KMT2E: variants seen among roughly 807,000 people sequenced by gnomAD.
The protein encoded by KMT2E is histone reader KMT2E.
A neutral mutation model predicts 184.6 loss-of-function variants in KMT2E; 30 were observed. The ratio of observed to expected loss-of-function variants is 0.16; its 90% CI spans 0.12 to 0.22. The LOEUF (loss-of-function observed/expected upper bound fraction) is 0.22, where lower values mean the gene tolerates loss of function less well. Among genes scored for constraint, KMT2E ranks in the 10% least tolerant of loss-of-function variants. The probability of loss-of-function intolerance (pLI) is 1.00; values close to 1 mark genes in which losing one functional copy is unlikely to be tolerated. For synonymous variants in KMT2E, 815 were observed against 776.5 expected (o/e 1.05, Z -0.82); for missense variants, 2,023 against 2,237.4 (o/e 0.90, Z 1.93).
At chr7:105,042,515 A>G (rs1795927141) in intron 3 of KMT2E, among the ~76,000 whole-genome samples, 1 of 152,208 alleles carries the variant, frequency 6.6e-6, no homozygotes, top group Non-Finnish European at 1.5e-5. Context: ...TTCATTTTAT[A>G]AGAAATGCAG....
intron 15 of KMT2E, among the ~76,000 whole-genome samples, chr7:105,098,724 G>C (rs975598443): frequency 6.6e-5 from 10 of 151,852 alleles, no homozygotes; most frequent in African/African-American, 1.9e-4. Context: ...TGTGGAGATG[G>C]GAGTCTTGCT....
At position 105,076,939 on chromosome 7, in the gene KMT2E, C is replaced by G. The variant is rs187849387; in HGVS notation, c.769-24C>G. 1,948 of 1,327,612 alleles carry G rather than the reference C, an allele frequency of 1.5e-3. 27 individuals carry two copies. In the African/African-American group the frequency reaches 0.026, roughly 18 times the overall value. 82.2% of individuals were successfully genotyped at this position (1,327,612 alleles called of 1,614,324 possible). ...GTGTGTAAGTCCGTAAGTCCAGATACTAAAGCTCAGTTTATGATTTTAGGG... is the reference window on the plus strand; with the variant it reads ...GTGTGTAAGTCCGTAAGTCCAGATAGTAAAGCTCAGTTTATGATTTTAGGG... On this transcript the variant is annotated intron_variant, in intron 9 of 26. Coordinates refer to ENST00000311117, the MANE Select transcript of KMT2E (RefSeq NM_182931.3).
rs34102092 is a variant in KMT2E, at chr7:105,107,960, G to GTTT, written c.3468+48_3468+50dup. On this transcript the variant is annotated intron_variant, in intron 22 of 26. Coordinates refer to ENST00000311117, the MANE Select transcript of KMT2E (RefSeq NM_182931.3). ...TTAACAATTTATAGTCCTTTTAATA[G>GTTT]TTTTTTTTTTTTTTTCATAATACTA... The GTTT allele has an allele frequency of 7.6e-3, 8,819 of 1,167,622 alleles. 2 individuals carry two copies. Among genetic ancestry groups the GTTT allele is most frequent in the Admixed American group, 0.01 (334 of 32,678 alleles). The allele number at this position is 1,167,622 out of a possible 1,614,324, so 72.3% of individuals were successfully genotyped here.
intron 24 of KMT2E, 31 bp from the exon 25 acceptor site, chr7:105,110,446 T>C: frequency 6.2e-7 from 1 of 1,614,118 alleles, no homozygotes; most frequent in Non-Finnish European, 8.5e-7. Flanking sequence ...GCTCTAATGT[T>C]CTCTTTGGGT....
At chr7:105,059,993 T>TG (rs1474473806) in intron 3 of KMT2E, among the ~76,000 whole-genome samples, 1 of 106,906 alleles carries the variant, frequency 9.4e-6, no homozygotes, top group African/African-American at 4.8e-5. Flanking sequence ...TTTTTTTTTT[T>TG]TTTTTTTTTT....
At chr7:105,087,235 A>G (rs1271394275) in intron 13 of KMT2E, among the ~76,000 whole-genome samples, 1 of 146,236 alleles carries the variant, frequency 6.8e-6, no homozygotes, top group Non-Finnish European at 1.5e-5. Context: ...ATAAGCATAT[A>G]TATAAAGAGA....
intron 1 of KMT2E, among the ~76,000 whole-genome samples, chr7:105,020,128 T>C (rs1794888745): frequency 6.8e-6 from 1 of 147,436 alleles, no homozygotes; most frequent in Non-Finnish European, 1.5e-5. Flanking sequence ...AAAAAGTAAA[T>C]AAGTAAATTA....
At chr7:105,101,070 G>A (rs539268242) in intron 15 of KMT2E, among the ~76,000 whole-genome samples, 6 of 152,168 alleles carry the variant, frequency 3.9e-5, no homozygotes, top group Admixed American at 1.3e-4. Context: ...TAGGGATTTT[G>A]GATCTTTTTT....
At chr7:105,099,279 G>A (rs1798552364) in intron 15 of KMT2E, among the ~76,000 whole-genome samples, 1 of 152,164 alleles carries the variant, frequency 6.6e-6, no homozygotes, top group Admixed American at 6.5e-5. Context: ...GCAGTAATTG[G>A]AAAGAAGAGT....
intron 15 of KMT2E, chr7:105,091,568 ATAATGCCACACTGAACTATTAATAAATTT>A: frequency 1.8e-6 from 1 of 570,432 alleles, no homozygotes; most frequent in Non-Finnish European, 3.1e-6. Context: ...TAATATTTTA[ATAATGCCACACTGAACTATTAATAAATTT>A]TAATGCCACA....
chr7:105,086,522 C>T (rs911659007), intron 13 of KMT2E, among the ~76,000 whole-genome samples: 2 of 151,820 alleles, frequency 1.3e-5, no homozygotes, highest in African/African-American at 4.8e-5. Flanking sequence ...GTCAGGAGAT[C>T]GAGACCAGCC....
intron 3 of KMT2E, among the ~76,000 whole-genome samples, chr7:105,050,465 G>A (rs1796282873): frequency 6.6e-6 from 1 of 152,066 alleles, no homozygotes; most frequent in Non-Finnish European, 1.5e-5. Context: ...TAATCTCTGT[G>A]TGTGGTTACC....
At chr7:105,066,454 A>T (rs1168718950) in intron 5 of KMT2E, among the ~76,000 whole-genome samples, 1 of 152,092 alleles carries the variant, frequency 6.6e-6, no homozygotes, top group Non-Finnish European at 1.5e-5. Context: ...CTACATTGTG[A>T]TTTCTAATAA....
intron 5 of KMT2E, 194 bp downstream of exon 5, chr7:105,063,774 T>C: frequency 1.8e-6 from 1 of 557,958 alleles, no homozygotes; most frequent in South Asian, 2.3e-5. Flanking sequence ...TGTTGTTAAC[T>C]GAGTAATAGA....
In KMT2E at chr7:105,114,636, A is replaced by ATAT. The variant is rs900101458; in HGVS notation, c.*1305_*1307dup. 4.2e-4 allele frequency among the ~76,000 whole-genome samples: 64 copies of ATAT among 152,350 alleles called. No individual in the cohort carries two copies. The highest frequency in any genetic ancestry group is 1.5e-3 in the African/African-American group (61 of 41,582). On this transcript the variant is annotated 3_prime_UTR_variant, in exon 27 of 27. Transcript: ENST00000311117. ...TAATGATACTGTTTTATCAATCAAC[A>ATAT]TATTTTTCATCATCCAATTACCTGA... is the stretch of plus-strand genomic sequence containing the variant.
chr7:105,075,329 G>A (rs1797484601), intron 8 of KMT2E, among the ~76,000 whole-genome samples: 1 of 152,004 alleles, frequency 6.6e-6, no homozygotes, highest in Admixed American at 6.6e-5. Context: ...GGGGGTTGAG[G>A]GGGATAGGAA....
chr7:105,033,768 G>A (rs550299840), intron 1 of KMT2E, among the ~76,000 whole-genome samples: 210 of 152,216 alleles, frequency 1.4e-3, no homozygotes, highest in Non-Finnish European at 2.6e-3. Context: ...CAAAGTGCTG[G>A]GATTACAGGT....
chr7:105,019,372 T>C (rs998841476), intron 1 of KMT2E, among the ~76,000 whole-genome samples: 1 of 152,198 alleles, frequency 6.6e-6, no homozygotes, highest in African/African-American at 2.4e-5. Flanking sequence ...AGAAAAACTT[T>C]TTTTATTGTT....
intron 1 of KMT2E, among the ~76,000 whole-genome samples, chr7:105,021,092 T>C: frequency 6.6e-6 from 1 of 152,196 alleles, no homozygotes; most frequent in South Asian, 2.1e-4. Flanking sequence ...GAAAACCCCA[T>C]TTCCTCTTTA....
Sources: allele counts gnomAD v4.1 joint callset (sites outside exome capture counted in the v4.1 genomes callset), GRCh38; gene constraint gnomAD v4.1.1; transcripts MANE v1.5; gene names NCBI Gene and HGNC (gene_info 2026-07-23, HGNC 2026-07-21).